The following APBA2 variants were observed in gnomAD, a reference collection of about 807,000 sequenced individuals.
APBA2 encodes amyloid beta precursor protein binding family A member 2.
A neutral mutation model predicts 75.0 loss-of-function variants in APBA2; 30 were observed. That is an observed-to-expected ratio of 0.40 (90% CI 0.30 to 0.54). APBA2 has a LOEUF of 0.54. Among genes scored for constraint, APBA2 ranks in the 20% least tolerant of loss-of-function variants. The pLI, the probability that APBA2 is intolerant of heterozygous loss-of-function variation, is 0.49. For synonymous variants in APBA2, 444 were observed against 409.6 expected, an observed-to-expected ratio of 1.08 and a Z score of -1.01; for missense variants, 801 against 1,016.1, an observed-to-expected ratio of 0.79 and a Z score of 2.88.
chr15:29,065,352 G>A (rs925385233), intron 4 of APBA2, among the ~76,000 whole-genome samples: 4 of 152,186 alleles, frequency 2.6e-5, no homozygotes, highest in African/African-American at 7.2e-5. Flanking sequence ...GCTGAGATGC[G>A]TAATGTCACC....
At chr15:29,116,644 G>A (rs200178506) in intron 14 of APBA2, among the ~76,000 whole-genome samples, 12 of 146,004 alleles carry the variant, frequency 8.2e-5, no homozygotes, top group East Asian at 2.0e-4. Flanking sequence ...AAAAAAAAAA[G>A]AAGGGGTGCG....
In APBA2 at chr15:29,107,044, A is replaced by C. The variant is rs59670526; in HGVS notation, c.1917+225A>C. Among the ~76,000 whole-genome samples the C allele has an allele frequency of 2.0e-5, 3 of 152,184 alleles. No individual in the cohort carries two copies. The South Asian group carries it at 6.2e-4, about 32-fold the overall frequency. On this transcript the variant is annotated intron_variant, in intron 12 of 14. Coordinates refer to ENST00000683413, the MANE Select transcript of APBA2 (RefSeq NM_001353788.2). ...TGGACCCGGGCTGGCCTGGGGTGGG[A>C]AGGGAGGGGTTGTCTGAGCCCTGTA... is the stretch of plus-strand genomic sequence containing the variant.
intron 10 of APBA2, 74 bp from the exon 11 acceptor site, chr15:29,105,305 G>T (rs563103609): frequency 2.0e-6 from 3 of 1,486,484 alleles, no homozygotes; most frequent in Non-Finnish European, 2.7e-6. Context: ...CAGCCCTGCC[G>T]CAGCCCCCTG....
In APBA2 at chr15:29,117,595, C is replaced by A. The variant is rs1190457892; in HGVS notation, c.*462C>A. On this transcript the variant is annotated 3_prime_UTR_variant, in exon 15 of 15. Transcript: ENST00000683413. ...CCCCACAATGGTCCCAAACAGCTGC[C>A]TCTGCCACTGACTGCAGGGACACGG... The A allele has an allele frequency of 1.7e-5, 3 of 175,260 alleles. No homozygotes were observed. Among genetic ancestry groups the A allele is most frequent in the Non-Finnish European group, 3.7e-5 (3 of 82,040 alleles). The allele number at this position is 175,260 out of a possible 1,614,324, so 10.9% of individuals were successfully genotyped here.
At chr15:29,043,314 T>C (rs2041144348) in intron 3 of APBA2, among the ~76,000 whole-genome samples, 1 of 152,146 alleles carries the variant, frequency 6.6e-6, no homozygotes, top group African/African-American at 2.4e-5. Context: ...TCTCAGCATA[T>C]TGAATGCCCA....
intron 3 of APBA2, among the ~76,000 whole-genome samples, chr15:28,997,189 C>T (rs2038572808): frequency 6.6e-6 from 1 of 152,192 alleles, no homozygotes; most frequent in African/African-American, 2.4e-5. Flanking sequence ...GGATGAATTA[C>T]ACGGTGGCTC....
chr15:28,908,312 C>CTTTTTTTTTTTTTTTT, intron 1 of APBA2, among the ~76,000 whole-genome samples: 1 of 142,582 alleles, frequency 7.0e-6, no homozygotes, highest in South Asian at 2.1e-4. Context: ...GTTTTGTTTT[C>CTTTTTTTTTTTTTTTT]TTGTTTTTTT....
chr15:28,944,404 GCCT>G (rs2035422545), intron 2 of APBA2, among the ~76,000 whole-genome samples: 2 of 152,174 alleles, frequency 1.3e-5, no homozygotes, highest in South Asian at 4.1e-4. Context: ...TGCCTGGGAT[GCCT>G]CCTGGGTCTC....
chr15:29,010,752 A>G (rs1418185257), intron 3 of APBA2, among the ~76,000 whole-genome samples: 3 of 152,166 alleles, frequency 2.0e-5, no homozygotes, highest in African/African-American at 7.2e-5. Flanking sequence ...AAACAACAGC[A>G]TATTTATTTT....
At chr15:29,004,850 T>G (rs1267241343) in intron 3 of APBA2, among the ~76,000 whole-genome samples, 1 of 152,110 alleles carries the variant, frequency 6.6e-6, no homozygotes, top group Non-Finnish European at 1.5e-5. Flanking sequence ...TGACTAATTT[T>G]TGTATTTTTA....
chr15:28,962,347 A>C (rs1008306387), intron 2 of APBA2, among the ~76,000 whole-genome samples: 4 of 151,352 alleles, frequency 2.6e-5, no homozygotes, highest in African/African-American at 4.9e-5. Flanking sequence ...AGAGGTGGGC[A>C]GTTCACGAGG....
chr15:28,970,395 G>A (rs1157621771), intron 2 of APBA2: 1 of 149,270 alleles, frequency 6.7e-6, no homozygotes, highest in African/African-American at 2.4e-5. Context: ...AAAAATGACT[G>A]GCCAGGCACC....
At chr15:28,973,771 C>A (rs28488867) in intron 2 of APBA2, among the ~76,000 whole-genome samples, 45,634 of 151,832 alleles carry the variant, frequency 0.3, 11,226 homozygotes, top group African/African-American at 0.66. Flanking sequence ...GTAGGAAGAG[C>A]AAAAGAGGAA....
intron 2 of APBA2, among the ~76,000 whole-genome samples, chr15:28,942,788 T>C (rs990158931): frequency 5.9e-5 from 9 of 152,172 alleles, no homozygotes; most frequent in Admixed American, 6.5e-5. Context: ...CAGAAGGACA[T>C]GCCCAGTTGT....
chr15:28,905,062 C>G (rs933711640), intron 1 of APBA2, among the ~76,000 whole-genome samples: 4 of 152,172 alleles, frequency 2.6e-5, no homozygotes, highest in African/African-American at 9.7e-5. Flanking sequence ...AAGCCCTCCC[C>G]CAGTTCCTCA....
intron 4 of APBA2, among the ~76,000 whole-genome samples, chr15:29,065,554 C>T (rs180966394): frequency 4.7e-4 from 72 of 152,264 alleles, no homozygotes; most frequent in Non-Finnish European, 7.9e-4. Flanking sequence ...AAGAAAACTA[C>T]GCACAACTCA....
intron 3 of APBA2, among the ~76,000 whole-genome samples, chr15:29,035,917 C>T (rs2040723737): frequency 6.6e-6 from 1 of 152,172 alleles, no homozygotes; most frequent in African/African-American, 2.4e-5. Context: ...ATATGGACCC[C>T]TCAGGGTGCC....
intron 2 of APBA2, among the ~76,000 whole-genome samples, chr15:28,984,853 ATCTC>A (rs66710666): frequency 3.6e-4 from 27 of 74,012 alleles, no homozygotes; most frequent in Admixed American, 4.8e-4. Context: ...GAGCTGCTCT[ATCTC>A]TCTCTCTCTC....
rs1375653290 is a variant in APBA2, at chr15:28,918,577, G to A, written c.-204-3063G>A. Among the ~76,000 whole-genome samples the A allele has an allele frequency of 2.0e-5, 3 of 151,764 alleles. No homozygotes were observed. The highest frequency in any genetic ancestry group is 4.4e-5 in the Non-Finnish European group (3 of 67,960). ...TCCGCGTCATTGTGGGAACACTCGG[G>A]CGGGATGTATTTTAAAGGAGTGCCT... On this transcript the variant is annotated intron_variant, in intron 1 of 14. Coordinates refer to ENST00000683413, the MANE Select transcript of APBA2 (RefSeq NM_001353788.2). The surrounding 1 kb of genome is among the most constrained non-coding windows in gnomAD (Gnocchi z 4.2).
Sources: allele counts gnomAD v4.1 joint callset (sites outside exome capture counted in the v4.1 genomes callset), GRCh38; gene constraint gnomAD v4.1.1; non-coding constraint Gnocchi (gnomAD v3.1); transcripts MANE v1.5; gene names NCBI Gene and HGNC (gene_info 2026-07-23, HGNC 2026-07-21).